Variants in EMB observed in about 807,000 individuals in gnomAD.
EMB encodes embigin, also known as embigin homolog.
A neutral mutation model predicts 41.4 loss-of-function variants in EMB; 31 were observed. The observed-to-expected ratio is 0.75, with a 90% CI of 0.56 to 1.01. EMB has a LOEUF of 1.01. Ranked by LOEUF, EMB falls within the 50% of genes least tolerant of loss-of-function variation. The pLI is 0.00. For missense variants in EMB, 379 were observed against 388.3 expected, an observed-to-expected ratio of 0.98 and a Z score of 0.20; for synonymous variants, 137 against 140.4, an observed-to-expected ratio of 0.98 and a Z score of 0.17.
At chr5:50,416,652 T>C (rs547099043) in intron 2 of EMB, among the ~76,000 whole-genome samples, 1 of 152,268 alleles carries the variant, frequency 6.6e-6, no homozygotes, top group African/African-American at 2.4e-5. Context: ...GGGACAACTC[T>C]GACAGAAGCC....
intron 1 of EMB, among the ~76,000 whole-genome samples, chr5:50,436,729 C>A (rs913528144): frequency 6.6e-5 from 10 of 152,160 alleles, no homozygotes; most frequent in Non-Finnish European, 1.0e-4. Flanking sequence ...CAGGGTCAGC[C>A]TCAGATATCC....
rs1317445007 is a variant in EMB, at chr5:50,396,960, G to A, written c.*2313C>T. 1 of 151,968 alleles carries A rather than the reference G, an allele frequency of 6.6e-6. No homozygotes were observed. The highest frequency in any genetic ancestry group is 1.5e-5 in the Non-Finnish European group (1 of 67,992). The allele number at this position is 151,968 out of a possible 1,614,324, so 9.4% of individuals were successfully genotyped here. On this transcript the variant is annotated 3_prime_UTR_variant, in exon 9 of 9. Coordinates refer to ENST00000303221, the MANE Select transcript of EMB (RefSeq NM_198449.3). ...TTAGGGCCTGAGCAGCTAGATGTTG[G>A]GATAATAACAAAAAGACTGCAAAAG...
chr5:50,428,880 ATTTATT>A (rs1194386847), intron 1 of EMB, among the ~76,000 whole-genome samples: 381 of 151,406 alleles, frequency 2.5e-3, no homozygotes, highest in African/African-American at 6.9e-3. Flanking sequence ...TATTTATTTT[ATTTATT>A]TTTATTTTTA....
chr5:50,429,859 A>G (rs1004483076), intron 1 of EMB, among the ~76,000 whole-genome samples: 13 of 151,778 alleles, frequency 8.6e-5, no homozygotes, highest in African/African-American at 3.1e-4. Flanking sequence ...TCATTCATTC[A>G]TATTTGTACC....
intron 1 of EMB, among the ~76,000 whole-genome samples, chr5:50,437,994 C>T (rs1745833913): frequency 6.6e-6 from 1 of 152,196 alleles, no homozygotes; most frequent in South Asian, 2.1e-4. Flanking sequence ...GTCCCTGTAC[C>T]TAATTTTATT....
intron 2 of EMB, among the ~76,000 whole-genome samples, chr5:50,421,219 C>G (rs1167236536): frequency 6.6e-6 from 1 of 152,098 alleles, no homozygotes; most frequent in Non-Finnish European, 1.5e-5. Context: ...ATGCAACCAT[C>G]AAAAAGTGGG....
Position 50,441,179 on chromosome 5 carries a change from G to T in EMB, c.-28C>A. ...CGCCAGAGGGTCCGCCTGGGTCCTC[G>T]TGGAGACTGCTCCCTCAGCTCGCCG... On this transcript the variant is annotated 5_prime_UTR_variant, in exon 1 of 9. Coordinates refer to ENST00000303221, the MANE Select transcript of EMB (RefSeq NM_198449.3). 1.5e-6 allele frequency: 2 copies of T among 1,346,548 alleles called. No homozygotes were observed. Among genetic ancestry groups the T allele is most frequent in the East Asian group, 3.0e-5 (1 of 33,198 alleles). 83.4% of individuals were successfully genotyped at this position (1,346,548 alleles called of 1,614,324 possible).
intron 2 of EMB, among the ~76,000 whole-genome samples, chr5:50,413,401 T>TA (rs879440598): frequency 6.6e-5 from 10 of 152,184 alleles, no homozygotes; most frequent in Middle Eastern, 3.4e-3. Context: ...ATAGTCTTGT[T>TA]AAAAAAAGGT....
intron 4 of EMB, among the ~76,000 whole-genome samples, chr5:50,410,305 G>A (rs1745313155): frequency 6.6e-6 from 1 of 151,950 alleles, no homozygotes; most frequent in South Asian, 2.1e-4. Flanking sequence ...CTTGAGTTTT[G>A]GTTTAATGAT....
At chr5:50,409,054 G>GA (rs1399232353) in intron 4 of EMB, among the ~76,000 whole-genome samples, 3 of 151,678 alleles carry the variant, frequency 2.0e-5, no homozygotes, top group Non-Finnish European at 2.9e-5. Flanking sequence ...AACTAGAAAA[G>GA]AAAAAAAAGT....
intron 1 of EMB, among the ~76,000 whole-genome samples, chr5:50,430,680 T>G (rs1579742410): frequency 6.6e-6 from 1 of 152,232 alleles, no homozygotes; most frequent in South Asian, 2.1e-4. Context: ...TATAACTGTA[T>G]ATATAGTTAC....
chr5:50,412,257 G>GACAGAC (rs1745352678), intron 2 of EMB, among the ~76,000 whole-genome samples: 1 of 141,654 alleles, frequency 7.1e-6, no homozygotes, highest in Middle Eastern at 3.4e-3. Flanking sequence ...CACACACACA[G>GACAGAC]ACACACACAC....
chr5:50,405,385 T>C (rs1347000656), intron 5 of EMB, among the ~76,000 whole-genome samples: 2 of 151,924 alleles, frequency 1.3e-5, no homozygotes, highest in Admixed American at 1.3e-4. Flanking sequence ...GGAATGATTT[T>C]TAAAAAGAAT....
rs192986965 is a variant in EMB at position 50,430,232 on chromosome 5, T to C, written c.113-2005A>G. ...AGAAGGAAACCGCTATTCTACTATATCATCTGTTCTGTGAAGCCTGCAAAA... is the reference window on the plus strand; with the variant it reads ...AGAAGGAAACCGCTATTCTACTATACCATCTGTTCTGTGAAGCCTGCAAAA... On this transcript the variant is annotated intron_variant, in intron 1 of 8. Transcript: ENST00000303221. 1.4e-3 allele frequency among the ~76,000 whole-genome samples: 216 copies of C among 152,256 alleles called. 4 individuals are homozygous for C. Among genetic ancestry groups the C allele is most frequent in the African/African-American group, 4.5e-3 (189 of 41,548 alleles).
intron 1 of EMB, among the ~76,000 whole-genome samples, chr5:50,433,560 A>G (rs1745758776): frequency 6.6e-6 from 1 of 152,212 alleles, no homozygotes; most frequent in African/African-American, 2.4e-5. Flanking sequence ...AGTCTATTCG[A>G]TAAGAGTTGG....
intron 2 of EMB, among the ~76,000 whole-genome samples, chr5:50,425,970 T>C (rs1266780274): frequency 4.6e-5 from 7 of 152,084 alleles, no homozygotes; most frequent in Admixed American, 3.3e-4. Flanking sequence ...AGGCAGCAAA[T>C]GCAACTTCTA....
At chr5:50,442,500 C>T (rs1349165506), upstream of EMB, among the ~76,000 whole-genome samples, 3 of 127,526 alleles carry the variant, frequency 2.4e-5, no homozygotes, top group Admixed American at 7.6e-5. Flanking sequence ...CACAAATGCA[C>T]GCATGCACAC....
At chr5:50,428,955 G>T (rs969185131) in intron 1 of EMB, among the ~76,000 whole-genome samples, 33 of 152,004 alleles carry the variant, frequency 2.2e-4, no homozygotes, top group African/African-American at 6.3e-4. Context: ...GAGTGCAGGG[G>T]CATGGTCTCA....
intron 7 of EMB, among the ~76,000 whole-genome samples, chr5:50,400,830 T>C (rs1270656593): frequency 2.0e-5 from 3 of 152,036 alleles, no homozygotes; most frequent in African/African-American, 4.8e-5. Context: ...CCATTTTACA[T>C]TGTTCAGAAG....
Sources: allele counts gnomAD v4.1 joint callset (sites outside exome capture counted in the v4.1 genomes callset), GRCh38; gene constraint gnomAD v4.1.1; transcripts MANE v1.5; gene names NCBI Gene and HGNC (gene_info 2026-07-23, HGNC 2026-07-21).